The following MAST2 variants were observed in gnomAD, a reference collection of about 807,000 sequenced individuals.
The protein encoded by MAST2 is microtubule-associated serine/threonine-protein kinase 2.
MAST2 carries 70 observed loss-of-function variants against 147.4 expected under a neutral mutation model. That is an observed-to-expected ratio of 0.47 (90% CI 0.39 to 0.58). The LOEUF (loss-of-function observed/expected upper bound fraction) is 0.58. Ranked by LOEUF, MAST2 falls within the 20% of genes least tolerant of loss-of-function variation. The probability of loss-of-function intolerance (pLI) is 0.00; values close to 1 mark genes in which losing one functional copy is unlikely to be tolerated. For missense variants in MAST2, 2,080 were observed against 2,302.3 expected (o/e 0.90, Z 1.98); for synonymous variants, 869 against 896.8 (o/e 0.97, Z 0.55).
chr1:45,820,893 C>CTTTTTTTTTTTTTT (rs769508054), intron 1 of MAST2, among the ~76,000 whole-genome samples: 16 of 43,076 alleles, frequency 3.7e-4, no homozygotes, highest in Admixed American at 6.7e-4. Flanking sequence ...CTTTCTTTCT[C>CTTTTTTTTTTTTTT]TTTTTTTTTT....
intron 3 of MAST2, among the ~76,000 whole-genome samples, chr1:45,858,411 C>A: frequency 1.3e-5 from 2 of 151,958 alleles, no homozygotes; most frequent in African/African-American, 4.8e-5. Flanking sequence ...TAAATGTCTT[C>A]TTTTGAGAAG....
At chr1:45,870,862 G>A (rs747900264) in intron 3 of MAST2, among the ~76,000 whole-genome samples, 1 of 151,948 alleles carries the variant, frequency 6.6e-6, no homozygotes, top group Non-Finnish European at 1.5e-5. Flanking sequence ...CTAGGAGGTC[G>A]ATGCTGCCGT....
At chr1:45,984,583 A>T (rs947956696) in intron 5 of MAST2, among the ~76,000 whole-genome samples, 1 of 152,166 alleles carries the variant, frequency 6.6e-6, no homozygotes, top group Non-Finnish European at 1.5e-5. Flanking sequence ...TACTGAGATT[A>T]CAGGCAAGAA....
At chr1:45,991,496 T>G (rs140072244) in intron 5 of MAST2, among the ~76,000 whole-genome samples, 98 of 152,356 alleles carry the variant, frequency 6.4e-4, no homozygotes, top group African/African-American at 2.3e-3. Flanking sequence ...TTAGTCATAT[T>G]GAGTCTTCCA....
rs1393689034 is a variant in MAST2, at chr1:46,012,453, A to G, written c.1188+1514A>G. Reference sequence around the variant, plus strand: ...CAGAAAAGAATTCAGTGCAGGCTCTATCTTAGGGAATTTGCCATCAGTGAG... The same window carrying G: ...CAGAAAAGAATTCAGTGCAGGCTCTGTCTTAGGGAATTTGCCATCAGTGAG... On this transcript the variant is annotated intron_variant, in intron 10 of 28. Transcript: ENST00000361297. Among the ~76,000 whole-genome samples the G allele has an allele frequency of 7.2e-5, 11 of 152,344 alleles. No individual in the cohort carries two copies. The East Asian group carries it at 2.1e-3, about 29-fold the overall frequency.
At position 46,033,875 on chromosome 1, in the gene MAST2, G is replaced by A; in HGVS notation, c.3611G>A (p.Gly1204Asp). 1 of 1,614,206 alleles carries A rather than the reference G, an allele frequency of 6.2e-7. No homozygotes were observed. Among genetic ancestry groups the A allele is most frequent in the Non-Finnish European group, 8.5e-7 (1 of 1,180,034 alleles). ...ATTAAAGTGGGGCCAGCTCGGAAGG[G>A]CAGCTACAAGGCCAAGATGGCCCGA... is the stretch of plus-strand genomic sequence containing the variant. ...TSIKVGPARK[G>D]SYKAKMARRS... The change falls in exon 27 of 29, where the codon GGC becomes GAC. Residue 1204 changes from glycine to aspartate, a missense_variant. Coordinates refer to ENST00000361297, the MANE Select transcript of MAST2 (RefSeq NM_015112.3).
chr1:45,848,028 A>G (rs774342603), intron 3 of MAST2, among the ~76,000 whole-genome samples: 2 of 152,158 alleles, frequency 1.3e-5, no homozygotes, highest in African/African-American at 2.4e-5. Context: ...AGTTTAACGT[A>G]TGTTCTCCTT....
chr1:45,939,116 T>C (rs74711342), intron 4 of MAST2, among the ~76,000 whole-genome samples: 1 of 149,522 alleles, frequency 6.7e-6, no homozygotes, highest in African/African-American at 2.5e-5. Flanking sequence ...ACCCAAGCTG[T>C]TTTTTTTTTC....
chr1:45,814,423 C>G lies in MAST2; in HGVS notation c.178-10010C>G, dbSNP rs749727794. ...GACCCTGTGTAGGCCTAGGCTAGTG[C>G]GTATGTTTGTATCTTACTTTCTAAC... On this transcript the variant is annotated intron_variant, in intron 1 of 28. Transcript: ENST00000361297. Among the ~76,000 whole-genome samples, 3 of 151,818 alleles carry G rather than the reference C, an allele frequency of 2.0e-5. No homozygotes were observed. The South Asian group carries it at 6.2e-4, about 32-fold the overall frequency.
intron 4 of MAST2, among the ~76,000 whole-genome samples, chr1:45,941,322 G>T (rs1657229492): frequency 6.6e-6 from 1 of 152,020 alleles, no homozygotes; most frequent in Non-Finnish European, 1.5e-5. Context: ...TGCAGTGGCG[G>T]GATCTCGGCT....
intron 4 of MAST2, among the ~76,000 whole-genome samples, chr1:45,930,668 T>C (rs911849958): frequency 2.6e-5 from 4 of 152,128 alleles, no homozygotes; most frequent in Admixed American, 6.5e-5. Context: ...GTGATTTCTC[T>C]GGATGTTAGC....
intron 5 of MAST2, among the ~76,000 whole-genome samples, chr1:45,987,502 G>T (rs1321384054): frequency 6.6e-6 from 1 of 152,036 alleles, no homozygotes; most frequent in African/African-American, 2.4e-5. Context: ...TGTAGAGATG[G>T]GGTCTCATCG....
chr1:45,894,658 G>A (rs1648433557), intron 4 of MAST2, among the ~76,000 whole-genome samples: 1 of 152,176 alleles, frequency 6.6e-6, no homozygotes, highest in South Asian at 2.1e-4. Flanking sequence ...ATTTTAACCA[G>A]TTTTAGCTTT....
intron 3 of MAST2, among the ~76,000 whole-genome samples, chr1:45,868,254 G>A (rs1424362253): frequency 1.3e-5 from 2 of 152,178 alleles, no homozygotes; most frequent in Non-Finnish European, 2.9e-5. Flanking sequence ...TGAATTGAAG[G>A]AGGTGCTTTT....
chr1:45,881,958 C>T (rs1253566460), intron 3 of MAST2, among the ~76,000 whole-genome samples: 6 of 135,436 alleles, frequency 4.4e-5, no homozygotes, highest in Middle Eastern at 4.4e-3. Context: ...GGGCGGATCA[C>T]GAGGTCAGGA....
intron 4 of MAST2, among the ~76,000 whole-genome samples, chr1:45,886,340 AC>A (rs1433804451): frequency 9.3e-5 from 14 of 149,788 alleles, no homozygotes; most frequent in African/African-American, 3.5e-4. Flanking sequence ...ACACACACAC[AC>A]ACACACATTT....
At position 46,034,787 on chromosome 1, in the gene MAST2, C is replaced by T. The variant is rs775852157; in HGVS notation, c.4118C>T (p.Ala1373Val). ...CCCCTGTCTGGCCATGTAGCCCAGG[C>T]CTTTCCCACAAAGCTTCACTTGTCA... ...PSPLSGHVAQAFPTKLHLSPP... is the reference protein window; with the variant it reads ...PSPLSGHVAQVFPTKLHLSPP... The change falls in exon 29 of 29, where the codon GCC becomes GTC. Residue 1373 changes from alanine to valine, a missense_variant. Ala to Val is a moderately conservative substitution (Grantham distance 64). Around this residue, in one of 4 missense-constraint regions of MAST2, gnomAD observed 1,278 missense variants for 1,304.2 expected, o/e 0.98. Transcript: ENST00000361297. 60 of 1,613,980 alleles carry T rather than the reference C, an allele frequency of 3.7e-5. 1 individual carries two copies. The East Asian group carries it at 6.2e-4, about 17-fold the overall frequency.
Position 45,913,391 on chromosome 1 carries a change from G to C in MAST2, c.500+30996G>C, listed in dbSNP as rs142572328. On this transcript the variant is annotated intron_variant, in intron 4 of 28. Coordinates refer to ENST00000361297, the MANE Select transcript of MAST2 (RefSeq NM_015112.3). ...CTGGGTTAATAGTATTTCTGACACA[G>C]TGTGAGTTTTCAAGTTGCTATGTAT... Among the ~76,000 whole-genome samples, 6 of 152,350 alleles carry C rather than the reference G, an allele frequency of 3.9e-5. No homozygotes were observed. The South Asian group carries it at 6.2e-4, about 16-fold the overall frequency.
rs2149354497 is a variant in MAST2 at position 46,034,665 on chromosome 1, T to G, written c.3996T>G (p.Ser1332=). 1 of 1,614,114 alleles carries G rather than the reference T, an allele frequency of 6.2e-7. No homozygotes were observed. The highest frequency in any genetic ancestry group is 1.6e-4 in the Middle Eastern group (1 of 6,062). The change falls in exon 29 of 29, where the codon TCT becomes TCG. Residue 1332 remains serine, a synonymous_variant. Coordinates refer to ENST00000361297, the MANE Select transcript of MAST2 (RefSeq NM_015112.3). The stretch of plus-strand genomic sequence containing the variant: ...CCAAGCTCCAACGCCAGTACCGCTC[T>G]CCACGGCGCAAGTCAGCAGGCAGCA... ...LAPKLQRQYR[S]PRRKSAGSIP... is the part of the protein sequence containing the mutation.
Sources: allele counts gnomAD v4.1 joint callset (sites outside exome capture counted in the v4.1 genomes callset), GRCh38; gene constraint gnomAD v4.1.1; regional missense constraint gnomAD v4.1.1; transcripts MANE v1.5; gene names NCBI Gene and HGNC (gene_info 2026-07-23, HGNC 2026-07-21).